The following GALK2 variants were observed in gnomAD, a reference collection of about 807,000 sequenced individuals.
GALK2 encodes galactokinase 2, also known as N-acetylgalactosamine kinase.
GALK2 carries 36 observed loss-of-function variants against 52.4 expected under a neutral mutation model. The ratio of observed to expected loss-of-function variants is 0.69; its 90% confidence interval spans 0.53 to 0.91. The LOEUF is 0.91. Among genes scored for constraint, GALK2 ranks in the 40% least tolerant of loss-of-function variants. GALK2 has a pLI of 0.00. For synonymous variants in GALK2, 176 were observed against 199.1 expected (o/e 0.88, Z 0.98); for missense variants, 579 against 559.1 (o/e 1.04, Z -0.36).
chr15:49,325,325 C>T (rs189698957), intron 9 of GALK2, among the ~76,000 whole-genome samples: 12 of 152,242 alleles, frequency 7.9e-5, no homozygotes, highest in Admixed American at 4.6e-4. Flanking sequence ...AAGTGGGATC[C>T]GAGGGATTTT....
chr15:49,292,561 A>T (rs369173850), intron 8 of GALK2, 24 bp downstream of exon 8: 1 of 1,576,272 alleles, frequency 6.3e-7, no homozygotes, highest in East Asian at 2.2e-5. Context: ...AGAAAGTATG[A>T]TATATGTTAT....
At chr15:49,210,757 T>C (rs1324005397) in intron 2 of GALK2, among the ~76,000 whole-genome samples, 3 of 152,082 alleles carry the variant, frequency 2.0e-5, no homozygotes, top group African/African-American at 7.2e-5. Context: ...ATTTTATTTT[T>C]AACTTTCGAG....
At chr15:49,178,167 CAAAAAA>C (rs376324541) in intron 1 of GALK2, among the ~76,000 whole-genome samples, 10 of 66,608 alleles carry the variant, frequency 1.5e-4, no homozygotes, top group Admixed American at 1.3e-3. Context: ...GACTCTGTTT[CAAAAAA>C]AAAAAAAAAA....
chr15:49,311,939 A>C (rs1408826056), intron 8 of GALK2, among the ~76,000 whole-genome samples: 1 of 152,214 alleles, frequency 6.6e-6, no homozygotes, highest in Non-Finnish European at 1.5e-5. Flanking sequence ...GACTCTTCAG[A>C]GAGATCCCTG....
intron 8 of GALK2, among the ~76,000 whole-genome samples, chr15:49,307,664 G>T (rs2035654346): frequency 6.6e-6 from 1 of 152,260 alleles, no homozygotes; most frequent in South Asian, 2.1e-4. Flanking sequence ...TGAGGCAAAG[G>T]TTTTGATCAG....
intron 3 of GALK2, among the ~76,000 whole-genome samples, chr15:49,364,560 T>C (rs1247047380): frequency 4.6e-5 from 7 of 152,154 alleles, no homozygotes; most frequent in Admixed American, 4.6e-4. Flanking sequence ...TAATTTCAGT[T>C]CTCAAGTTTA....
chr15:49,189,911 C>T (rs1010175476), intron 1 of GALK2, among the ~76,000 whole-genome samples: 6 of 152,094 alleles, frequency 3.9e-5, no homozygotes, highest in African/African-American at 7.2e-5. Context: ...TAACCGAAGC[C>T]ACAGAAAACA....
chr15:49,323,081 AAGAC>A (rs1041065489), intron 9 of GALK2, among the ~76,000 whole-genome samples: 6 of 152,104 alleles, frequency 3.9e-5, no homozygotes, highest in African/African-American at 1.4e-4. Context: ...AAGGATGGGG[AAGAC>A]AGACGGTACA....
chr15:49,363,420 A>G (rs1430400204), intron 3 of GALK2, among the ~76,000 whole-genome samples: 1 of 151,988 alleles, frequency 6.6e-6, no homozygotes, highest in Admixed American at 6.6e-5. Flanking sequence ...TTTGATTCTC[A>G]GCTTGGATGT....
At chr15:49,230,651 C>T (rs1172896645) in intron 3 of GALK2, among the ~76,000 whole-genome samples, 1 of 152,166 alleles carries the variant, frequency 6.6e-6, no homozygotes, top group Non-Finnish European at 1.5e-5. Context: ...AAATGGTCTA[C>T]CCCAGATCCA....
intron 3 of GALK2, among the ~76,000 whole-genome samples, chr15:49,221,908 CATATTTTAGG>C (rs1455491085): frequency 2.0e-5 from 3 of 152,070 alleles, no homozygotes; most frequent in African/African-American, 7.2e-5. Context: ...TGGTTTTATA[CATATTTTAGG>C]ATATTTTTCT....
At position 49,180,714 on chromosome 15, in the gene GALK2, A is replaced by G. The variant is rs1420814674; in HGVS notation, c.53+10339A>G. On this transcript the variant is annotated intron_variant, in intron 1 of 9. Transcript: ENST00000560031. Reference sequence around the variant, plus strand: ...TCTCTTCTGATGTTTTTAGATACCTAATTGTAGTTTTCTGAATGCTGTATG... The same window carrying G: ...TCTCTTCTGATGTTTTTAGATACCTGATTGTAGTTTTCTGAATGCTGTATG... Among the ~76,000 whole-genome samples, 6 of 152,012 alleles carry G rather than the reference A, an allele frequency of 3.9e-5. No individual in the cohort carries two copies. The East Asian group carries it at 1.2e-3, about 29-fold the overall frequency.
chr15:49,329,451 T>C lies in GALK2; in HGVS notation c.*1292T>C, dbSNP rs2038185246. ...ATTACTTATTATTCTGTGATTTCAT[T>C]AGCTCATTAATGTTTAACTCACAGA... On this transcript the variant is annotated 3_prime_UTR_variant, in exon 10 of 10. Transcript: ENST00000560031. 1.0e-6 allele frequency: 1 copy of C among 984,478 alleles called. No homozygotes were observed. The highest frequency in any genetic ancestry group is 1.7e-5 in the African/African-American group (1 of 57,240). 61.0% of individuals were successfully genotyped at this position (984,478 alleles called of 1,614,324 possible).
intron 5 of GALK2, among the ~76,000 whole-genome samples, chr15:49,262,576 T>G (rs561732065): frequency 6.6e-6 from 1 of 152,330 alleles, no homozygotes; most frequent in Non-Finnish European, 1.5e-5. Context: ...CCTTCAGTTC[T>G]GCTCTGATTT....
intron 5 of GALK2, among the ~76,000 whole-genome samples, chr15:49,248,624 C>A (rs368523057): frequency 1.3e-5 from 2 of 152,200 alleles, no homozygotes; most frequent in East Asian, 3.9e-4. Flanking sequence ...AAACCATTCA[C>A]GTAGTTTTGT....
At chr15:49,227,946 A>T (rs564860043) in intron 3 of GALK2, among the ~76,000 whole-genome samples, 1 of 152,162 alleles carries the variant, frequency 6.6e-6, no homozygotes, top group African/African-American at 2.4e-5. Flanking sequence ...TTTTTCTAGG[A>T]AAGACTTCAG....
chr15:49,220,106 G>A (rs931730995), intron 3 of GALK2, among the ~76,000 whole-genome samples: 1 of 94,672 alleles, frequency 1.1e-5, no homozygotes, highest in Non-Finnish European at 2.0e-5. Context: ...TGTCATTTCT[G>A]TGTTGGGACA....
In GALK2 at chr15:49,255,506, G is replaced by A. The variant is rs578077883; in HGVS notation, c.504+16139G>A. Among the ~76,000 whole-genome samples, 4 of 142,798 alleles carry A rather than the reference G, an allele frequency of 2.8e-5. 1 individual carries two copies. In the Admixed American group the frequency reaches 2.8e-4, roughly 10 times the overall value. 93.7% of individuals were successfully genotyped at this position (142,798 alleles called of 152,430 possible). ...GTTCAAATTTCCTGAATTTGGATTT[G>A]TCAGACGGTTGCCTTATTATTAGAT... is the stretch of plus-strand genomic sequence containing the variant. On this transcript the variant is annotated intron_variant, in intron 5 of 9. Transcript: ENST00000560031.
At chr15:49,222,650 T>C (rs564050340) in intron 3 of GALK2, among the ~76,000 whole-genome samples, 43 of 152,328 alleles carry the variant, frequency 2.8e-4, no homozygotes, top group African/African-American at 1.0e-3. Context: ...TTGAGATGAT[T>C]ATGTGGTTTC....
Sources: gnomAD v4.1 joint callset for allele counts (sites outside exome capture counted in the v4.1 genomes callset) on GRCh38, gnomAD v4.1.1 for gene constraint, MANE v1.5 for transcripts, NCBI Gene and HGNC (gene_info 2026-07-23, HGNC 2026-07-21) for gene names.